Variants in PDSS1 observed in about 807,000 individuals in gnomAD.
PDSS1 encodes decaprenyl diphosphate synthase subunit 1.
Under a neutral mutation model 57.5 loss-of-function variants are expected in PDSS1, and 43 were observed. The observed-to-expected ratio is 0.75, with a 90% confidence interval of 0.59 to 0.96. The LOEUF (loss-of-function observed/expected upper bound fraction) is 0.96. PDSS1 is among the 50% of genes least tolerant of loss of function. PDSS1 has a pLI of 0.00. For synonymous variants in PDSS1, 175 were observed against 191.3 expected (o/e 0.91, Z 0.70); for missense variants, 438 against 527.8 (o/e 0.83, Z 1.67).
chr10:26,713,248 C>G (rs964199946), intron 5 of PDSS1, among the ~76,000 whole-genome samples: 1 of 149,164 alleles, frequency 6.7e-6, no homozygotes, highest in Non-Finnish European at 1.5e-5. Context: ...GCCGAGATCA[C>G]GCCATTGCAT....
intron 8 of PDSS1, among the ~76,000 whole-genome samples, chr10:26,734,104 CA>C (rs568826160): frequency 8.7e-4 from 133 of 152,352 alleles, no homozygotes; most frequent in African/African-American, 3.1e-3. Flanking sequence ...GTGATTTCTA[CA>C]TTGTACAGAT....
chr10:26,719,229 T>C (rs184943846), intron 5 of PDSS1, among the ~76,000 whole-genome samples: 130 of 152,334 alleles, frequency 8.5e-4, no homozygotes, highest in African/African-American at 2.9e-3. Flanking sequence ...TTCTTGAAAT[T>C]TAGTTTTTAA....
rs916340943 is a variant in PDSS1 at position 26,746,484 on chromosome 10, T to A, written c.*11T>A. The A allele has an allele frequency of 6.2e-7, 1 of 1,613,830 alleles. No individual in the cohort carries two copies. Among genetic ancestry groups the A allele is most frequent in the African/African-American group, 1.3e-5 (1 of 74,946 alleles). ...ACAAGAGATAAATGACAACTCTTTC[T>A]GTTCTTTCTGGCAGCTATCTTACCA... On this transcript the variant is annotated 3_prime_UTR_variant, in exon 12 of 12. Coordinates refer to ENST00000376215, the MANE Select transcript of PDSS1 (RefSeq NM_014317.5).
Position 26,735,576 on chromosome 10 carries a change from G to A in PDSS1, c.1023G>A (p.Gln341=). The A allele has an allele frequency of 6.3e-7, 1 of 1,598,508 alleles. No homozygotes were observed. Among genetic ancestry groups the A allele is most frequent in the East Asian group, 2.2e-5 (1 of 44,804 alleles). Residue 341 remains glutamine, a synonymous_variant, in exon 10 of 12, where the codon CAG becomes CAA. Transcript: ENST00000376215. ...CTGGTCCTGTCCTGTTTGCCTGTCA[G>A]CAGGTAGGTTTTACAAACTCCCTTT... The part of the protein sequence containing the change: ...LATGPVLFAC[Q]QFPEMNAMIM...
rs973727879 is a variant in PDSS1 at position 26,724,226 on chromosome 10, A to C, written c.831+103A>C. On this transcript the variant is annotated intron_variant, in intron 8 of 11. Transcript: ENST00000376215. ...GGTGAAGAATCTTAAAATAGTACCC[A>C]AAAATCCCAAGAGGTTAATGAGGAA... 22 of 796,986 alleles carry C rather than the reference A, an allele frequency of 2.8e-5. No homozygotes were observed. The African/African-American group carries it at 3.3e-4, about 12-fold the overall frequency. The allele number at this position is 796,986 out of a possible 1,614,324, so 49.4% of individuals were successfully genotyped here.
intron 5 of PDSS1, among the ~76,000 whole-genome samples, chr10:26,716,348 G>A (rs1245764785): frequency 1.3e-5 from 2 of 152,144 alleles, no homozygotes; most frequent in Non-Finnish European, 2.9e-5. Flanking sequence ...CACTGGTAGG[G>A]TCATTATATT....
At chr10:26,743,741 CG>C (rs1339260085) in intron 11 of PDSS1, among the ~76,000 whole-genome samples, 2 of 152,150 alleles carry the variant, frequency 1.3e-5, no homozygotes, top group African/African-American at 4.8e-5. Context: ...CAAAAATCCA[CG>C]GGAATGTTCT....
At chr10:26,730,154 C>T (rs370661534) in intron 8 of PDSS1, among the ~76,000 whole-genome samples, 13 of 151,592 alleles carry the variant, frequency 8.6e-5, no homozygotes, top group East Asian at 7.8e-4. Context: ...CCTCGTGATC[C>T]GCCCACCTCG....
chr10:26,702,726 T>C (rs1297659313), intron 2 of PDSS1, among the ~76,000 whole-genome samples: 2 of 152,202 alleles, frequency 1.3e-5, no homozygotes, highest in East Asian at 3.8e-4. Context: ...GGCATGTTCC[T>C]GTAGTCCCAG....
In PDSS1 at chr10:26,745,174, T is replaced by A. The variant is rs191791688; in HGVS notation, c.1108-1159T>A. 3.8e-3 allele frequency among the ~76,000 whole-genome samples: 580 copies of A among 151,498 alleles called. 1 individual carries two copies. Among genetic ancestry groups the A allele is most frequent in the African/African-American group, 0.012 (485 of 41,284 alleles). On this transcript the variant is annotated intron_variant, in intron 11 of 11. Transcript: ENST00000376215. Reference sequence around the variant, plus strand: ...GCAAGATTCCATCTCAAAAAAAATTTAAAAAAAATAAATAAATGTCAGAGG... The same window carrying A: ...GCAAGATTCCATCTCAAAAAAAATTAAAAAAAAATAAATAAATGTCAGAGG...
chr10:26,731,689 G>A lies in PDSS1; in HGVS notation c.832-3551G>A, dbSNP rs558220003. 3.1e-4 allele frequency among the ~76,000 whole-genome samples: 47 copies of A among 152,282 alleles called. 1 individual carries two copies. The South Asian group carries it at 8.9e-3, about 29-fold the overall frequency. On this transcript the variant is annotated intron_variant, in intron 8 of 11. Coordinates refer to ENST00000376215, the MANE Select transcript of PDSS1 (RefSeq NM_014317.5). ...TAACTAAATGTGCCATTACACGCTT[G>A]AGTTTTTGCCAGTCCAGTAGAGGAG... is the stretch of plus-strand genomic sequence containing the variant.
intron 6 of PDSS1, among the ~76,000 whole-genome samples, chr10:26,722,996 A>G (rs1835837554): frequency 6.6e-6 from 1 of 152,068 alleles, no homozygotes; most frequent in African/African-American, 2.4e-5. Context: ...TTTATTGAAA[A>G]TAACATGTAT....
rs1836936116 is a variant in PDSS1 at position 26,746,600 on chromosome 10, T to C, written c.*127T>C. On this transcript the variant is annotated 3_prime_UTR_variant, in exon 12 of 12. Transcript: ENST00000376215. ...TTTTAAAAGATATCAAACTTATTGATGGGCAATTTATTTTTTTTTATTGCA... is the reference window on the plus strand; with the variant it reads ...TTTTAAAAGATATCAAACTTATTGACGGGCAATTTATTTTTTTTTATTGCA... 3.9e-6 allele frequency: 4 copies of C among 1,018,282 alleles called. No homozygotes were observed. The highest frequency in any genetic ancestry group is 4.4e-6 in the Non-Finnish European group (3 of 682,448). 63.1% of individuals were successfully genotyped at this position (1,018,282 alleles called of 1,614,324 possible).
At chr10:26,740,530 T>A (rs574480533) in intron 10 of PDSS1, 3 of 429,848 alleles carry the variant, frequency 7.0e-6, no homozygotes, top group South Asian at 3.3e-5. Context: ...TCTGAAAAAA[T>A]TATTTCTTTG....
chr10:26,723,960 T>G, intron 7 of PDSS1, 43 bp downstream of exon 7: 23 of 1,573,666 alleles, frequency 1.5e-5, no homozygotes, highest in Non-Finnish European at 2.0e-5. Flanking sequence ...TCAACCCTGG[T>G]GTTTAGCCAG....
At chr10:26,730,965 T>C (rs1836170021) in intron 8 of PDSS1, among the ~76,000 whole-genome samples, 1 of 152,052 alleles carries the variant, frequency 6.6e-6, no homozygotes, top group African/African-American at 2.4e-5. Flanking sequence ...TCCCAGCACT[T>C]TGGGAGGCTG....
In PDSS1 at chr10:26,742,602, G is replaced by A. The variant is rs78397249; in HGVS notation, c.1107+25G>A. On this transcript the variant is annotated intron_variant, in intron 11 of 11. Transcript: ENST00000376215. ...GGTAAGACTGTTTTTTTAAAAAAAA[G>A]GCAGCAGCAGGAACAACGTGGCAAA... 37 of 1,425,710 alleles carry A rather than the reference G, an allele frequency of 2.6e-5. No homozygotes were observed. The South Asian group carries it at 4.1e-4, about 16-fold the overall frequency. The allele number at this position is 1,425,710 out of a possible 1,614,324, so 88.3% of individuals were successfully genotyped here. A position where few individuals can be genotyped will look rare whatever the true frequency, so the allele number is the denominator to read the frequency against.
intron 8 of PDSS1, among the ~76,000 whole-genome samples, chr10:26,733,452 G>A (rs562500776): frequency 1.6e-4 from 25 of 152,282 alleles, no homozygotes; most frequent in African/African-American, 5.3e-4. Context: ...GCAGTTATGA[G>A]CTTACTGTTC....
chr10:26,721,423 T>TACACAC lies in PDSS1; in HGVS notation c.609+1086_609+1091dup, dbSNP rs1554795596. 1.6e-3 allele frequency among the ~76,000 whole-genome samples: 239 copies of TACACAC among 149,360 alleles called. 1 individual carries two copies. The highest frequency in any genetic ancestry group is 4.8e-3 in the African/African-American group (195 of 40,746). Reference sequence around the variant, plus strand: ...CTTATTAAAAGAAGAGATATATGTATACACACACACACACACACACACACA... The same window carrying TACACAC: ...CTTATTAAAAGAAGAGATATATGTATACACACACACACACACACACACACACACACA... On this transcript the variant is annotated intron_variant, in intron 6 of 11. Coordinates refer to ENST00000376215, the MANE Select transcript of PDSS1 (RefSeq NM_014317.5).
Sources: allele counts gnomAD v4.1 joint callset (sites outside exome capture counted in the v4.1 genomes callset), GRCh38; gene constraint gnomAD v4.1.1; transcripts MANE v1.5; gene names NCBI Gene and HGNC (gene_info 2026-07-23, HGNC 2026-07-21).